The following KCNIP4 variants were observed in gnomAD, a reference collection of about 807,000 sequenced individuals.
KCNIP4 encodes the protein Kv channel-interacting protein 4.
Under a neutral mutation model 34.0 loss-of-function variants are expected in KCNIP4, and 12 were observed. The observed-to-expected ratio is 0.35, with a 90% CI of 0.23 to 0.57. The LOEUF (loss-of-function observed/expected upper bound fraction) is 0.57, where lower values mean the gene tolerates loss of function less well. Among genes scored for constraint, KCNIP4 ranks in the 20% least tolerant of loss-of-function variants. The pLI, the probability that KCNIP4 is intolerant of heterozygous loss-of-function variation, is 0.83. For missense variants in KCNIP4, 238 were observed against 311.7 expected (o/e 0.76, Z 1.78); for synonymous variants, 124 against 102.2 (o/e 1.21, Z -1.29).
chr4:21,269,778 G>T (rs1279382921), intron 1 of KCNIP4, among the ~76,000 whole-genome samples: 1 of 152,046 alleles, frequency 6.6e-6, no homozygotes, highest in African/African-American at 2.4e-5. Context: ...AGAAATACAT[G>T]GCTCAAAAGT....
chr4:21,537,538 A>G (rs918756806), intron 1 of KCNIP4, among the ~76,000 whole-genome samples: 4 of 152,148 alleles, frequency 2.6e-5, no homozygotes, highest in African/African-American at 7.2e-5. Context: ...ATACAAAAAA[A>G]TATCACCATC....
intron 1 of KCNIP4, among the ~76,000 whole-genome samples, chr4:20,985,128 A>T (rs1736454931): frequency 1.3e-5 from 2 of 152,176 alleles, no homozygotes; most frequent in South Asian, 4.1e-4. Context: ...GTGAACTGGA[A>T]ATATAAGGGT....
Position 21,780,892 on chromosome 4 carries a change from C to T in KCNIP4, c.61+167679G>A, listed in dbSNP as rs369160677. Among the ~76,000 whole-genome samples, 10 of 152,220 alleles carry T rather than the reference C, an allele frequency of 6.6e-5. No homozygotes were observed. In the East Asian group the frequency reaches 7.7e-4, roughly 12 times the overall value. On this transcript the variant is annotated intron_variant, in intron 1 of 8. Transcript: ENST00000382152. Reference sequence around the variant, plus strand: ...CTTTCCTCTTCCAGCTTCAGGTAACCCCAGTCCATCCTTTGGCTTGTGGCA... The same window carrying T: ...CTTTCCTCTTCCAGCTTCAGGTAACTCCAGTCCATCCTTTGGCTTGTGGCA...
intron 1 of KCNIP4, among the ~76,000 whole-genome samples, chr4:21,758,678 C>A (rs1322343306): frequency 6.6e-6 from 1 of 152,054 alleles, no homozygotes; most frequent in South Asian, 2.1e-4. Context: ...TGATAGTGGA[C>A]TCATTATCTA....
chr4:21,334,508 CT>C (rs951780663), intron 1 of KCNIP4, among the ~76,000 whole-genome samples: 1 of 151,886 alleles, frequency 6.6e-6, no homozygotes, highest in African/African-American at 2.4e-5. Context: ...TTTAAAATAG[CT>C]TTTTTTGAGG....
At chr4:21,495,358 A>G (rs960520230) in intron 1 of KCNIP4, among the ~76,000 whole-genome samples, 1 of 152,192 alleles carries the variant, frequency 6.6e-6, no homozygotes, top group Non-Finnish European at 1.5e-5. Context: ...GGACCACCCC[A>G]CTTTGACAGT....
At chr4:20,769,421 A>G (rs1415696643) in intron 3 of KCNIP4, among the ~76,000 whole-genome samples, 1 of 152,052 alleles carries the variant, frequency 6.6e-6, no homozygotes, top group African/African-American at 2.4e-5. Context: ...TTTTAAAAGG[A>G]TTTTCCCAAC....
chr4:21,391,362 A>G (rs1229882223), intron 1 of KCNIP4, among the ~76,000 whole-genome samples: 1 of 152,158 alleles, frequency 6.6e-6, no homozygotes, highest in Admixed American at 6.6e-5. Flanking sequence ...AGGCAGATAC[A>G]GGATTAGGAC....
intron 1 of KCNIP4, among the ~76,000 whole-genome samples, chr4:21,651,012 C>G (rs1223908486): frequency 6.6e-6 from 1 of 152,192 alleles, no homozygotes; most frequent in African/African-American, 2.4e-5. Flanking sequence ...GAATCCCTTT[C>G]AGATTTCAAA....
chr4:21,764,827 C>A (rs923186827), intron 1 of KCNIP4, among the ~76,000 whole-genome samples: 3 of 152,086 alleles, frequency 2.0e-5, no homozygotes, highest in Admixed American at 1.3e-4. Context: ...CTCCTCCAAC[C>A]CCCAGACTAG....
At chr4:20,951,818 G>T (rs1213535839) in intron 1 of KCNIP4, among the ~76,000 whole-genome samples, 1 of 152,190 alleles carries the variant, frequency 6.6e-6, no homozygotes. Flanking sequence ...TAGCACAATA[G>T]ATTTTCAAAA....
intron 1 of KCNIP4, among the ~76,000 whole-genome samples, chr4:20,937,191 A>T (rs1731155162): frequency 1.4e-5 from 2 of 139,510 alleles, no homozygotes; most frequent in South Asian, 4.8e-4. Context: ...ACACATACTT[A>T]GGGCATGAGC....
At chr4:21,121,647 A>G (rs1750166255) in intron 1 of KCNIP4, among the ~76,000 whole-genome samples, 1 of 152,240 alleles carries the variant, frequency 6.6e-6, no homozygotes, top group Admixed American at 6.5e-5. Context: ...TCGGAACTAC[A>G]TATTTCTCAT....
At chr4:21,828,326 GAC>G (rs1338618605) in intron 1 of KCNIP4, among the ~76,000 whole-genome samples, 3 of 151,740 alleles carry the variant, frequency 2.0e-5, no homozygotes, top group Non-Finnish European at 4.4e-5. Flanking sequence ...GATAAACAAA[GAC>G]AGAGGGAATA....
rs138653305 is a variant in KCNIP4 at position 21,546,610 on chromosome 4, G to C, written c.61+401961C>G. 8.5e-5 allele frequency among the ~76,000 whole-genome samples: 13 copies of C among 152,096 alleles called. No homozygotes were observed. In the East Asian group the frequency reaches 2.5e-3, roughly 29 times the overall value. ...AAAAGGTATTTGCATTTCCTAATTG[G>C]CATATTATTTCATAATTATACTCAT... On this transcript the variant is annotated intron_variant, in intron 1 of 8. Coordinates refer to ENST00000382152, the MANE Select transcript of KCNIP4 (RefSeq NM_025221.6).
rs1436894421 is a variant in KCNIP4, at chr4:20,881,420, C to T, written c.163+1188G>A. On this transcript the variant is annotated intron_variant, in intron 2 of 8. Coordinates refer to ENST00000382152, the MANE Select transcript of KCNIP4 (RefSeq NM_025221.6). ...GGAGCTGTGGGTTATAGCCCCAATA[C>T]TCAGGGAATTCCACCTAGATTTTTA... 7.9e-5 allele frequency among the ~76,000 whole-genome samples: 12 copies of T among 152,160 alleles called. No homozygotes were observed. The East Asian group carries it at 2.3e-3, about 29-fold the overall frequency.
At chr4:21,871,233 AT>A (rs1395938845) in intron 1 of KCNIP4, among the ~76,000 whole-genome samples, 1 of 125,498 alleles carries the variant, frequency 8.0e-6, no homozygotes, top group African/African-American at 3.0e-5. Context: ...TCCTAATGCT[AT>A]CCCTCCCCCC....
chr4:20,827,174 C>G (rs1449817523), intron 3 of KCNIP4, among the ~76,000 whole-genome samples: 1 of 152,176 alleles, frequency 6.6e-6, no homozygotes, highest in Non-Finnish European at 1.5e-5. Context: ...ATAAGAAATT[C>G]AACTACTCTG....
At chr4:21,833,589 A>G (rs1194867576) in intron 1 of KCNIP4, among the ~76,000 whole-genome samples, 1 of 152,082 alleles carries the variant, frequency 6.6e-6, no homozygotes, top group Non-Finnish European at 1.5e-5. Context: ...GAAGCTCTTT[A>G]GTTTAATTAG....
Sources: gnomAD v4.1 joint callset for allele counts (sites outside exome capture counted in the v4.1 genomes callset) on GRCh38, gnomAD v4.1.1 for gene constraint, MANE v1.5 for transcripts, NCBI Gene and HGNC (gene_info 2026-07-23, HGNC 2026-07-21) for gene names.